ANKS1B: variants seen among roughly 807,000 people sequenced by gnomAD.
ANKS1B encodes the protein ankyrin repeat and sterile alpha motif domain-containing protein 1B.
Under a neutral mutation model 148.3 loss-of-function variants are expected in ANKS1B, and 36 were observed. The ratio of observed to expected loss-of-function variants is 0.24; its 90% CI spans 0.19 to 0.32. ANKS1B has a LOEUF of 0.32. Among genes scored for constraint, ANKS1B ranks in the 10% least tolerant of loss-of-function variants. ANKS1B has a pLI of 1.00. For synonymous variants in ANKS1B, 542 were observed against 560.8 expected, an observed-to-expected ratio of 0.97 and a Z score of 0.47; for missense variants, 1,157 against 1,542.6, an observed-to-expected ratio of 0.75 and a Z score of 4.19.
At chr12:99,568,636 T>C (rs901581694) in intron 9 of ANKS1B, among the ~76,000 whole-genome samples, 5 of 152,342 alleles carry the variant, frequency 3.3e-5, no homozygotes, top group African/African-American at 1.2e-4. Flanking sequence ...TAAATTCTTA[T>C]ATTCTCTGAC....
chr12:98,846,347 A>G (rs1484048254), intron 17 of ANKS1B, among the ~76,000 whole-genome samples: 8 of 152,256 alleles, frequency 5.3e-5, no homozygotes, highest in Non-Finnish European at 1.0e-4. Context: ...TGTAAAAAAG[A>G]ATCCATTTGG....
intron 1 of ANKS1B, among the ~76,000 whole-genome samples, chr12:99,978,084 T>C (rs1016637543): frequency 2.0e-5 from 3 of 152,202 alleles, no homozygotes; most frequent in Non-Finnish European, 4.4e-5. Context: ...TTTCCAAAAT[T>C]ACCTCAAAAT....
At chr12:99,087,620 C>T (rs975554370) in intron 15 of ANKS1B, among the ~76,000 whole-genome samples, 1 of 152,084 alleles carries the variant, frequency 6.6e-6, no homozygotes, top group Non-Finnish European at 1.5e-5. Flanking sequence ...ATATGTGATA[C>T]CATTCTGACT....
chr12:98,778,354 T>C (rs1252702677), intron 24 of ANKS1B, among the ~76,000 whole-genome samples: 1 of 152,152 alleles, frequency 6.6e-6, no homozygotes, highest in Non-Finnish European at 1.5e-5. Context: ...CACACACCTG[T>C]AATCCCAGCT....
chr12:99,213,588 T>A (rs1431819020), intron 14 of ANKS1B, among the ~76,000 whole-genome samples: 1 of 152,180 alleles, frequency 6.6e-6, no homozygotes, highest in Non-Finnish European at 1.5e-5. Context: ...GGGATGTGTA[T>A]ATGGAGAGCG....
intron 17 of ANKS1B, among the ~76,000 whole-genome samples, chr12:98,914,132 T>C (rs2099790736): frequency 1.3e-5 from 2 of 152,146 alleles, no homozygotes; most frequent in Non-Finnish European, 2.9e-5. Flanking sequence ...GGATCCCTTA[T>C]AGACGGCTTA....
chr12:99,876,526 C>T (rs1181168386), intron 1 of ANKS1B, among the ~76,000 whole-genome samples: 1 of 152,018 alleles, frequency 6.6e-6, no homozygotes, highest in South Asian at 2.1e-4. Flanking sequence ...AGTTCAAAAC[C>T]AGCCTGGCCA....
intron 8 of ANKS1B, among the ~76,000 whole-genome samples, chr12:99,667,156 G>A (rs915680980): frequency 6.6e-6 from 1 of 151,964 alleles, no homozygotes; most frequent in African/African-American, 2.4e-5. Context: ...GACAAGCCTG[G>A]CCAACATGAT....
intron 15 of ANKS1B, among the ~76,000 whole-genome samples, chr12:99,101,794 T>C (rs1438527342): frequency 2.0e-5 from 3 of 152,158 alleles, no homozygotes; most frequent in Non-Finnish European, 4.4e-5. Flanking sequence ...ACTCCTGATC[T>C]CAGGTGATCC....
At chr12:99,722,149 G>A (rs1480158636) in intron 8 of ANKS1B, among the ~76,000 whole-genome samples, 1 of 152,232 alleles carries the variant, frequency 6.6e-6, no homozygotes, top group Non-Finnish European at 1.5e-5. Flanking sequence ...AGCAGCAAGT[G>A]CTGATGGAGA....
chr12:99,949,544 T>A (rs943695962), intron 1 of ANKS1B, among the ~76,000 whole-genome samples: 6 of 151,812 alleles, frequency 4.0e-5, no homozygotes, highest in Non-Finnish European at 8.8e-5. Context: ...ATCTCAGACA[T>A]GAAAAAGGAG....
chr12:99,934,044 C>A (rs1429531790), intron 1 of ANKS1B, among the ~76,000 whole-genome samples: 1 of 151,966 alleles, frequency 6.6e-6, no homozygotes, highest in African/African-American at 2.4e-5. Context: ...AGTTTTTGTC[C>A]TTCATTCTGT....
At chr12:99,011,624 G>A (rs540007196) in intron 17 of ANKS1B, among the ~76,000 whole-genome samples, 2 of 152,076 alleles carry the variant, frequency 1.3e-5, no homozygotes, top group African/African-American at 4.8e-5. Flanking sequence ...CAACGTGCTC[G>A]CACATATGGG....
At chr12:99,935,626 T>C (rs2094746301) in intron 1 of ANKS1B, among the ~76,000 whole-genome samples, 1 of 152,132 alleles carries the variant, frequency 6.6e-6, no homozygotes, top group Non-Finnish European at 1.5e-5. Flanking sequence ...TCTCAACTTC[T>C]AGATGCCACC....
intron 8 of ANKS1B, among the ~76,000 whole-genome samples, chr12:99,685,759 T>C (rs1015951030): frequency 1.7e-4 from 25 of 151,034 alleles, no homozygotes; most frequent in African/African-American, 5.6e-4. Flanking sequence ...TATATATATA[T>C]ACACACACAC....
chr12:99,166,797 A>C (rs1291679649), intron 14 of ANKS1B, among the ~76,000 whole-genome samples: 1 of 152,032 alleles, frequency 6.6e-6, no homozygotes, highest in Non-Finnish European at 1.5e-5. Context: ...AATGACCCAG[A>C]ATAACCAAAA....
At chr12:98,807,453 A>G (rs2099059257) in intron 20 of ANKS1B, among the ~76,000 whole-genome samples, 1 of 152,178 alleles carries the variant, frequency 6.6e-6, no homozygotes, top group Non-Finnish European at 1.5e-5. Flanking sequence ...AAAGGGTTGA[A>G]GAGTCCATGA....
chr12:98,900,628 G>A (rs2099770700), intron 17 of ANKS1B, among the ~76,000 whole-genome samples: 1 of 152,190 alleles, frequency 6.6e-6, no homozygotes, highest in Admixed American at 6.5e-5. Context: ...TGATAATTTA[G>A]AGTGAATCTT....
At position 98,832,068 on chromosome 12, in the gene ANKS1B, G is replaced by C; in HGVS notation, c.2847C>G (p.Asp949Glu). ...ILASLGDRLH[D>E]DPPQKPPRSI... is the part of the protein sequence containing the mutation. ...ACCGAGGGGGCTTCTGTGGGGGATC[G>C]TCGTGCAGCCTGTCTCCCAGAGATG... The change falls in exon 18 of 27, where the codon GAC becomes GAG. Residue 949 changes from aspartate (D) to glutamate (E), a missense_variant. Physicochemically the swap from Asp to Glu is conservative, Grantham distance 45. Transcript: ENST00000683438. The C allele has an allele frequency of 6.3e-7, 1 of 1,598,608 alleles. No homozygotes were observed. Among genetic ancestry groups the C allele is most frequent in the Non-Finnish European group, 8.5e-7 (1 of 1,172,404 alleles).
Sources: gnomAD v4.1 joint callset for allele counts (sites outside exome capture counted in the v4.1 genomes callset) on GRCh38, gnomAD v4.1.1 for gene constraint, MANE v1.5 for transcripts, NCBI Gene and HGNC (gene_info 2026-07-23, HGNC 2026-07-21) for gene names.